THBS4: variants seen among roughly 807,000 people sequenced by gnomAD.
THBS4 encodes thrombospondin 4, also known as thrombospondin-4.
In THBS4, 90 loss-of-function variants were observed where a neutral mutation model predicts 115.7. The observed-to-expected ratio is 0.78, with a 90% confidence interval of 0.66 to 0.93. The LOEUF is 0.93. THBS4 is among the 40% of genes least tolerant of loss of function. THBS4 has a pLI of 0.00. For synonymous variants in THBS4, 460 were observed against 479.3 expected, an observed-to-expected ratio of 0.96 and a Z score of 0.53; for missense variants, 1,087 against 1,232.7, an observed-to-expected ratio of 0.88 and a Z score of 1.77.
At chr5:80,069,920 C>T (rs1335148350) in intron 10 of THBS4, among the ~76,000 whole-genome samples, 1 of 152,188 alleles carries the variant, frequency 6.6e-6, no homozygotes, top group Non-Finnish European at 1.5e-5. Context: ...AGTCTGATTT[C>T]CCTTGGCCCA....
At chr5:80,050,778 C>A (rs1833230395) in intron 2 of THBS4, among the ~76,000 whole-genome samples, 1 of 152,210 alleles carries the variant, frequency 6.6e-6, no homozygotes, top group South Asian at 2.1e-4. Context: ...GTTAGTTCGG[C>A]CTGTGCCCGG....
chr5:80,060,047 T>C, intron 7 of THBS4, 142 bp downstream of exon 7: 1 of 741,938 alleles, frequency 1.3e-6, no homozygotes, highest in Middle Eastern at 3.9e-4. Context: ...TTGGAGACCC[T>C]GAGACAAGGG....
At chr5:80,027,076 G>A (rs949472991) in intron 2 of THBS4, among the ~76,000 whole-genome samples, 2 of 152,170 alleles carry the variant, frequency 1.3e-5, no homozygotes, top group Non-Finnish European at 2.9e-5. Flanking sequence ...CCAATCATGT[G>A]GACATTGGCA....
chr5:80,040,072 C>G lies in THBS4; in HGVS notation c.89-5C>G, dbSNP rs1832844756. 2.5e-6 allele frequency: 4 copies of G among 1,613,798 alleles called. No individual in the cohort carries two copies. The highest frequency in any genetic ancestry group is 1.7e-5 in the Admixed American group (1 of 59,982). On this transcript the variant is annotated splice_polypyrimidine_tract_variant and splice_region_variant and intron_variant, in intron 1 of 21. Coordinates refer to ENST00000350881, the MANE Select transcript of THBS4 (RefSeq NM_003248.6). ...CTTATACCCCTTCTTCTCCCTTCTT[C>G]CCAGTCTTTGACCTTCTCCCATCTT...
Position 80,059,474 on chromosome 5 carries a change from C to G in THBS4, c.767C>G (p.Ala256Gly), listed in dbSNP as rs776274418. ...KETSFLRNTI[A>G]ECQACGPLKF... ...ACATCATTTTTGCGAAACACCATAG[C>G]TGAATGCCAGGCTTGCGGTAAGTGC... The change falls in exon 6 of 22, where the codon GCT becomes GGT. Residue 256 changes from alanine to glycine, a missense_variant. Ala to Gly is a moderately conservative substitution (Grantham distance 60). Coordinates refer to ENST00000350881, the MANE Select transcript of THBS4 (RefSeq NM_003248.6). 3.1e-6 allele frequency: 5 copies of G among 1,613,886 alleles called. No homozygotes were observed. Among genetic ancestry groups the G allele is most frequent in the African/African-American group, 2.7e-5 (2 of 74,872 alleles).
At chr5:80,061,582 T>G in intron 7 of THBS4, 113 bp from the exon 8 acceptor site, 1 of 1,367,346 alleles carries the variant, frequency 7.3e-7, no homozygotes, top group Non-Finnish European at 9.8e-7. Flanking sequence ...CTTTTATTAT[T>G]TTTTCCACCA....
chr5:80,072,282 A>T lies in THBS4; in HGVS notation c.1725A>T (p.Ile575=), dbSNP rs756742822. Residue 575 remains isoleucine, a synonymous_variant, in exon 14 of 22, where the codon ATA becomes ATT. Transcript: ENST00000350881. ...ACDDDMDGDG[I]KNILDNCPKF... ...GGTAGCATTTCTTTCTCACAGGAAT[A>T]AAAAACATTCTGGACAACTGCCCAA... 5.0e-6 allele frequency: 8 copies of T among 1,613,990 alleles called. No individual in the cohort carries two copies. The highest frequency in any genetic ancestry group is 6.8e-6 in the Non-Finnish European group (8 of 1,179,834).
At position 80,076,963 on chromosome 5, in the gene THBS4, TGAC is replaced by T. The variant is rs1199669260; in HGVS notation, c.2002_2004del (p.Asp668del). The T allele has an allele frequency of 3.1e-6, 5 of 1,613,654 alleles. No homozygotes were observed. The highest frequency in any genetic ancestry group is 3.4e-6 in the Non-Finnish European group (4 of 1,179,892). The stretch of plus-strand genomic sequence containing the variant: ...TTGGTGACGAGTGTGATGATGATGA[TGAC>T]AATGATGGTATCCCAGACCTGGTGC... On this transcript the variant is annotated inframe_deletion, in exon 16 of 22. Transcript: ENST00000350881.
At chr5:80,075,440 T>G (rs939034072) in intron 15 of THBS4, 2 of 152,186 alleles carry the variant, frequency 1.3e-5, no homozygotes, top group Non-Finnish European at 2.9e-5. Flanking sequence ...ATTATTGGTA[T>G]CACAGTACAA....
Position 80,071,164 on chromosome 5 carries a change from T to A in THBS4, c.1704T>A (p.Asp568Glu), listed in dbSNP as rs1262394891. 11 of 1,587,244 alleles carry A rather than the reference T, an allele frequency of 6.9e-6. No individual in the cohort carries two copies. The South Asian group carries it at 1.3e-4, about 18-fold the overall frequency. The change falls in exon 13 of 22, where the codon GAT becomes GAA. Residue 568 changes from aspartate (D) to glutamate (E), a missense_variant. Physicochemically the swap from Asp to Glu is conservative, Grantham distance 45. Transcript: ENST00000350881. ...DGDGRGDACD[D>E]DMDGDGIKNI... is the part of the protein sequence containing the mutation. ...ATGGAAGAGGAGATGCCTGTGATGA[T>A]GACATGGATGGAGATGGTAGATTTA...
At chr5:80,013,682 G>T (rs1251773019) in intron 2 of THBS4, among the ~76,000 whole-genome samples, 4 of 152,076 alleles carry the variant, frequency 2.6e-5, no homozygotes. Context: ...CACAGGTCTG[G>T]GTTTAAACCC....
intron 1 of THBS4, among the ~76,000 whole-genome samples, chr5:79,992,488 C>G (rs1241793314): frequency 6.6e-6 from 1 of 152,146 alleles, no homozygotes; most frequent in Non-Finnish European, 1.5e-5. Context: ...CTGCTAAAGT[C>G]TTTTTTACAT....
chr5:80,070,334 A>G lies in THBS4; in HGVS notation c.1376A>G (p.Tyr459Cys), dbSNP rs745558222. The G allele has an allele frequency of 5.6e-6, 9 of 1,603,840 alleles. No individual in the cohort carries two copies. Among genetic ancestry groups the G allele is most frequent in the Admixed American group, 5.1e-5 (3 of 58,910 alleles). Residue 459 changes from tyrosine (Y) to cysteine (C), a missense_variant, in exon 11 of 22, where the codon TAT (tyrosine) becomes TGT (cysteine). Transcript: ENST00000350881. ...VCGVGWAGDG[Y>C]ICGKDVDIDS... ...GGAGTCGGTTGGGCTGGAGATGGCT[A>G]TATCTGTGGAAAGGATGTGGACATC...
intron 1 of THBS4, among the ~76,000 whole-genome samples, chr5:79,997,520 G>A (rs1039172679): frequency 5.9e-5 from 9 of 151,308 alleles, no homozygotes; most frequent in African/African-American, 2.0e-4. Flanking sequence ...AAAACTGATA[G>A]AGGTGAAAGA....
chr5:80,058,673 G>T, intron 4 of THBS4, 35 bp from the exon 5 acceptor site: 1 of 1,600,802 alleles, frequency 6.2e-7, no homozygotes, highest in African/African-American at 1.3e-5. Context: ...GACCATCACT[G>T]GCTGAAAACT....
At chr5:80,037,133 A>ATT (rs921451299) in intron 1 of THBS4, among the ~76,000 whole-genome samples, 1 of 152,066 alleles carries the variant, frequency 6.6e-6, no homozygotes, top group Non-Finnish European at 1.5e-5. Context: ...TATAGGTATA[A>ATT]TTTTTTTGTG....
At chr5:79,992,283 A>G (rs754524368) in intron 1 of THBS4, among the ~76,000 whole-genome samples, 1 of 152,174 alleles carries the variant, frequency 6.6e-6, no homozygotes, top group Admixed American at 6.5e-5. Context: ...TTTTTTCTAG[A>G]AGGCACAGTA....
chr5:80,027,963 C>G (rs2438609), intron 2 of THBS4, among the ~76,000 whole-genome samples: 34,656 of 150,334 alleles, frequency 0.23, 4,401 homozygotes, highest in African/African-American at 0.33. Flanking sequence ...CTTGGCAGCT[C>G]TATTCGACCT....
Position 80,000,545 on chromosome 5 carries a change from G to A in THBS4, n.177+2118G>A, listed in dbSNP as rs201169242. Among the ~76,000 whole-genome samples the A allele has an allele frequency of 3.1e-4, 47 of 152,260 alleles. No homozygotes were observed. In the East Asian group the frequency reaches 8.9e-3, roughly 29 times the overall value. On this transcript the variant is annotated intron_variant and non_coding_transcript_variant, in intron 2 of 3. Coordinates refer to the THBS4 transcript ENST00000510218. ...CATGCCTTCTGTTATTGCCACCACA[G>A]CCTTCCATTTCCCAGCTCTCATTTC...
Sources: allele counts gnomAD v4.1 joint callset (sites outside exome capture counted in the v4.1 genomes callset), GRCh38; gene constraint gnomAD v4.1.1; transcripts MANE v1.5; gene names NCBI Gene and HGNC (gene_info 2026-07-23, HGNC 2026-07-21).